USP19: variants seen among roughly 807,000 people sequenced by gnomAD.
USP19 encodes the protein ubiquitin carboxyl-terminal hydrolase 19.
In USP19, 40 loss-of-function variants were observed where a neutral mutation model predicts 144.8. The ratio of observed to expected loss-of-function variants is 0.28; its 90% CI spans 0.21 to 0.36. The LOEUF (loss-of-function observed/expected upper bound fraction) is 0.36, where lower values mean the gene tolerates loss of function less well. Ranked by LOEUF, USP19 falls within the 10% of genes least tolerant of loss-of-function variation. The pLI, the probability that USP19 is intolerant of heterozygous loss-of-function variation, is 1.00. For missense variants in USP19, 1,518 were observed against 1,822.5 expected (o/e 0.83, Z 3.04); for synonymous variants, 701 against 709.3 (o/e 0.99, Z 0.19).
rs764510731 is a variant in USP19 at position 49,116,597 on chromosome 3, C to A, written c.1137G>T (p.Ser379=). The change falls in exon 8 of 27, where the codon TCG becomes TCT. Residue 379 remains serine (S), a synonymous_variant. Coordinates refer to ENST00000417901, the MANE Select transcript of USP19 (RefSeq NM_001199161.2). The surrounding 1 kb of genome is among the most constrained non-coding windows in gnomAD (Gnocchi z 5.0). ...DAATLVDEPE[S]MVNLAFVKND... is the part of the protein sequence containing the mutation. ...TCTTGACAAACGCCAGGTTCACCAT[C>A]GACTCGGGCTCTATATTGAGACCAT... 1.2e-6 allele frequency: 2 copies of A among 1,614,162 alleles called. No individual in the cohort carries two copies. Among genetic ancestry groups the A allele is most frequent in the Non-Finnish European group, 1.7e-6 (2 of 1,180,024 alleles).
At position 49,108,853 on chromosome 3, in the gene USP19, T is replaced by A; in HGVS notation, c.4039-325A>T. On this transcript the variant is annotated intron_variant, in intron 26 of 26. Transcript: ENST00000417901. This position sits in a 1 kb window ranked among gnomAD's most constrained non-coding sequence, Gnocchi z 4.8. ...AACCTCCCCACCCTCTCCCACCAGATGCATAAGCTGAGGCCCAAAGCCCAG... is the reference window on the plus strand; with the variant it reads ...AACCTCCCCACCCTCTCCCACCAGAAGCATAAGCTGAGGCCCAAAGCCCAG... The A allele has an allele frequency of 1.4e-6, 2 of 1,465,002 alleles. No individual in the cohort carries two copies. Among genetic ancestry groups the A allele is most frequent in the Non-Finnish European group, 1.8e-6 (2 of 1,106,760 alleles). The allele number at this position is 1,465,002 out of a possible 1,614,324, so 90.8% of individuals were successfully genotyped here.
rs766320095 is a variant in USP19 at position 49,111,133 on chromosome 3, C to A, written c.3362G>T (p.Ser1121Ile). ...DTPLELGDDC[S>I]LALVWRNNER... is the part of the protein sequence containing the mutation. The stretch of plus-strand genomic sequence containing the variant: ...ATTGTTCCGCCAGACGAGAGCCAGG[C>A]TACAGTCGTCACCCAGCTCCAGTGG... Residue 1121 changes from serine to isoleucine, a missense_variant, in exon 23 of 27, where the codon AGC becomes ATC. Around this residue, in one of 5 missense-constraint regions of USP19, gnomAD observed 413 missense variants for 515.8 expected, o/e 0.80. Transcript: ENST00000417901. This position sits in a 1 kb window ranked among gnomAD's most constrained non-coding sequence, Gnocchi z 5.9. 1 of 1,613,836 alleles carries A rather than the reference C, an allele frequency of 6.2e-7. No homozygotes were observed. Among genetic ancestry groups the A allele is most frequent in the Admixed American group, 1.7e-5 (1 of 60,026 alleles).
In USP19 at chr3:49,115,800, T is replaced by C. The variant is rs202226664; in HGVS notation, c.1616A>G (p.Asp539Gly). Residue 539 changes from aspartate to glycine, a missense_variant, in exon 11 of 27, where the codon GAC becomes GGC. By Grantham distance (94) the Asp-to-Gly change is moderately conservative. This residue lies in a region of USP19 where 707 missense variants were observed against 728.9 expected (regional missense o/e 0.97). Coordinates refer to ENST00000417901, the MANE Select transcript of USP19 (RefSeq NM_001199161.2). The surrounding 1 kb of genome is among the most constrained non-coding windows in gnomAD (Gnocchi z 6.6). Reference protein sequence around the residue: ...EKDKSKARSEDTGLDSVATRT... With the variant: ...EKDKSKARSEGTGLDSVATRT... ...GGTTGCCACACTGTCTAGCCCTGTG[T>C]CCTCAGATCGTGCCTTGGATTTATC... 6.7e-5 allele frequency: 108 copies of C among 1,614,114 alleles called. No individual in the cohort carries two copies. The highest frequency in any genetic ancestry group is 3.3e-4 in the East Asian group (15 of 44,888).
In USP19 at chr3:49,116,307, G is replaced by C. The variant is rs773624811; in HGVS notation, c.1328C>G (p.Thr443Ser). Residue 443 changes from threonine to serine, a missense_variant, in exon 9 of 27, where the codon ACC (threonine) becomes AGC (serine). Physicochemically the swap from Thr to Ser is moderately conservative, Grantham distance 58. This residue lies in a region of USP19 where 707 missense variants were observed against 728.9 expected (regional missense o/e 0.97). Coordinates refer to ENST00000417901, the MANE Select transcript of USP19 (RefSeq NM_001199161.2). This position sits in a 1 kb window ranked among gnomAD's most constrained non-coding sequence, Gnocchi z 5.0. Reference protein sequence around the residue: ...LRLHPGCGPHTTFRWQVKLRN... With the variant: ...LRLHPGCGPHSTFRWQVKLRN... ...GAGCTTCACCTGCCAACGGAAGGTG[G>C]TGTGGGGCCCACAGCCCGGGTGCAG... 1 of 1,613,368 alleles carries C rather than the reference G, an allele frequency of 6.2e-7. No individual in the cohort carries two copies. The highest frequency in any genetic ancestry group is 8.5e-7 in the Non-Finnish European group (1 of 1,179,836).
At position 49,117,858 on chromosome 3, in the gene USP19, C is replaced by T. The variant is rs1354128154; in HGVS notation, c.299-28G>A. On this transcript the variant is annotated intron_variant, in intron 3 of 26. Coordinates refer to ENST00000417901, the MANE Select transcript of USP19 (RefSeq NM_001199161.2). The surrounding 1 kb of genome is among the most constrained non-coding windows in gnomAD (Gnocchi z 4.4). ...GATGGTGATAAGCAGGTAACAGAGACCCAGCCTAATGAAACTGCTTCAGAT... is the reference window on the plus strand; with the variant it reads ...GATGGTGATAAGCAGGTAACAGAGATCCAGCCTAATGAAACTGCTTCAGAT... 1 of 1,613,688 alleles carries T rather than the reference C, an allele frequency of 6.2e-7. No individual in the cohort carries two copies. Among genetic ancestry groups the T allele is most frequent in the African/African-American group, 1.3e-5 (1 of 74,886 alleles).
Position 49,119,192 on chromosome 3 carries a change from G to C in USP19, c.-47C>G. The C allele has an allele frequency of 1.3e-6, 2 of 1,593,092 alleles. No individual in the cohort carries two copies. The highest frequency in any genetic ancestry group is 1.7e-6 in the Non-Finnish European group (2 of 1,171,470). ...CCAGAGTGCCCCGGGGTCGGCAACA[G>C]CGTCTGGGTCAGGGCTGCGGCGCTT... On this transcript the variant is annotated 5_prime_UTR_variant, in exon 2 of 27. Coordinates refer to ENST00000417901, the MANE Select transcript of USP19 (RefSeq NM_001199161.2).
In USP19 at chr3:49,116,937, C is replaced by G; in HGVS notation, c.916G>C (p.Ala306Pro). 1 of 1,613,442 alleles carries G rather than the reference C, an allele frequency of 6.2e-7. No homozygotes were observed. The highest frequency in any genetic ancestry group is 8.5e-7 in the Non-Finnish European group (1 of 1,179,776). ...GGTGGTATGCAAAGCTGTTCATCAG[C>G]CTCAACCTATTAATGGCAAGATTGT... ...FVADPATQVE[A>P]DEQLCIPPLN... is the part of the protein sequence containing the mutation. The change falls in exon 7 of 27, where the codon GCT (alanine) becomes CCT (proline). Residue 306 changes from alanine (A) to proline (P), a missense_variant. Around this residue, in one of 5 missense-constraint regions of USP19, gnomAD observed 707 missense variants for 728.9 expected, o/e 0.97. Transcript: ENST00000417901. This position sits in a 1 kb window ranked among gnomAD's most constrained non-coding sequence, Gnocchi z 5.0.
In USP19 at chr3:49,117,888, G is replaced by C; in HGVS notation, c.299-58C>G. On this transcript the variant is annotated intron_variant, in intron 3 of 26. Coordinates refer to ENST00000417901, the MANE Select transcript of USP19 (RefSeq NM_001199161.2). This position sits in a 1 kb window ranked among gnomAD's most constrained non-coding sequence, Gnocchi z 4.4. ...CCTAATGAAACTGCTTCAGATGGGA[G>C]CCAAATTGCAAGTGCCCCCTCCCCT... 1 of 1,613,138 alleles carries C rather than the reference G, an allele frequency of 6.2e-7. No homozygotes were observed. The highest frequency in any genetic ancestry group is 8.5e-7 in the Non-Finnish European group (1 of 1,179,718).
Position 49,111,266 on chromosome 3 carries a change from A to G in USP19, c.3317T>C (p.Leu1106Pro). ...ACAGCCTCAGACACCTTTGTCCTCT[A>G]GCCGCTGCTCTCGGTTGGATGAATC... ...KIDSSNREQR[L>P]EDKGDTPLEL... The change falls in exon 22 of 27, where the codon CTA becomes CCA. Residue 1106 changes from leucine to proline, a missense_variant. Leu to Pro is a moderately conservative substitution (Grantham distance 98). Transcript: ENST00000417901. This position sits in a 1 kb window ranked among gnomAD's most constrained non-coding sequence, Gnocchi z 5.9. The G allele has an allele frequency of 6.2e-7, 1 of 1,614,030 alleles. No homozygotes were observed. Among genetic ancestry groups the G allele is most frequent in the Non-Finnish European group, 8.5e-7 (1 of 1,179,990 alleles).
rs547990256 is a variant in USP19, at chr3:49,117,241, G to C, written c.727C>G (p.Arg243Gly). Residue 243 changes from arginine to glycine, a missense_variant, in exon 6 of 27, where the codon CGG becomes GGG. Arg to Gly is a moderately radical substitution (Grantham distance 125). Transcript: ENST00000417901. This position sits in a 1 kb window ranked among gnomAD's most constrained non-coding sequence, Gnocchi z 4.4. ...PEPHRAKQEA[R>G]NQKRAQGRGE... ...CGGCCCTGGGCCCGCTTCTGGTTCCGGGCCTCCTGCTTAGCCCGGTGGGGC... is the reference window on the plus strand; with the variant it reads ...CGGCCCTGGGCCCGCTTCTGGTTCCCGGCCTCCTGCTTAGCCCGGTGGGGC... 3.9e-6 allele frequency: 6 copies of C among 1,554,504 alleles called. No homozygotes were observed. The highest frequency in any genetic ancestry group is 5.2e-6 in the Non-Finnish European group (6 of 1,150,424).
chr3:49,108,377 C>A lies in USP19; in HGVS notation c.*35G>T. On this transcript the variant is annotated 3_prime_UTR_variant, in exon 27 of 27. Coordinates refer to ENST00000417901, the MANE Select transcript of USP19 (RefSeq NM_001199161.2). This position sits in a 1 kb window ranked among gnomAD's most constrained non-coding sequence, Gnocchi z 4.8. ...AGGAGCTGGCCCTCTGTGTGGGTGT[C>A]CCAAACCCAGTCCCCCCCATCAGCC... 1 of 915,610 alleles carries A rather than the reference C, an allele frequency of 1.1e-6. No homozygotes were observed. The highest frequency in any genetic ancestry group is 1.6e-6 in the Non-Finnish European group (1 of 633,676). 56.7% of individuals were successfully genotyped at this position (915,610 alleles called of 1,614,324 possible). A position where few individuals can be genotyped will look rare whatever the true frequency, so the allele number is the denominator to read the frequency against.
intron 17 of USP19, among the ~76,000 whole-genome samples, chr3:49,113,305 CTCACTCT>C (rs1225500243): frequency 6.6e-6 from 1 of 152,150 alleles, no homozygotes; most frequent in African/African-American, 2.4e-5. Context: ...GAGACAGAGT[CTCACTCT>C]GTCACCCAGG....
In USP19 at chr3:49,117,640, A is replaced by G; in HGVS notation, c.472+17T>C. On this transcript the variant is annotated intron_variant, in intron 4 of 26. Transcript: ENST00000417901. The surrounding 1 kb of genome is among the most constrained non-coding windows in gnomAD (Gnocchi z 4.4). ...AAGATTCAAACATACTACTGTGCTC[A>G]GGGCAGATGGACACACCTGCAAACC... 1.2e-6 allele frequency: 2 copies of G among 1,614,152 alleles called. No homozygotes were observed. The highest frequency in any genetic ancestry group is 1.1e-5 in the South Asian group (1 of 91,078).
chr3:49,114,982 CCA>C lies in USP19; in HGVS notation c.2156_2157del (p.Val719GlyfsTer8). The C allele has an allele frequency of 6.2e-7, 1 of 1,614,194 alleles. No individual in the cohort carries two copies. Among genetic ancestry groups the C allele is most frequent in the Non-Finnish European group, 8.5e-7 (1 of 1,180,040 alleles). The part of the protein sequence containing the change: ...RIQNKPYTET[V>X]DSDGRPDEVV... ...ACCTCATCGGGCCGCCCATCTGAAT[CCA>C]CGGTCTCTGTGTAGGGCTTGTTCTG... is the stretch of plus-strand genomic sequence containing the variant. On this transcript the variant is annotated frameshift_variant, in exon 14 of 27. Transcript: ENST00000417901. LOFTEE classifies it high-confidence loss of function. The surrounding 1 kb of genome is among the most constrained non-coding windows in gnomAD (Gnocchi z 4.5).
In USP19 at chr3:49,114,870, C is replaced by T. The variant is rs750219630; in HGVS notation, c.2185G>A (p.Val729Ile). The change falls in exon 15 of 27, where the codon GTA becomes ATA. Residue 729 changes from valine (V) to isoleucine (I), a missense_variant. Val to Ile is a conservative substitution (Grantham distance 29). This residue lies in a region of USP19 where 158 missense variants were observed against 277.3 expected (regional missense o/e 0.57). Transcript: ENST00000417901. The surrounding 1 kb of genome is among the most constrained non-coding windows in gnomAD (Gnocchi z 4.5). ...VDSDGRPDEV[V>I]AEEAWQRHKM... ...TGCCGCTGCCATGCTTCCTCAGCTA[C>T]CACCTGAGAGGCAGAGTGGTGAGAA... is the stretch of plus-strand genomic sequence containing the variant. The T allele has an allele frequency of 1.9e-6, 3 of 1,614,058 alleles. No individual in the cohort carries two copies. In the African/African-American group the frequency reaches 4.0e-5, roughly 22 times the overall value.
In USP19 at chr3:49,111,681, C is replaced by T; in HGVS notation, c.3036G>A (p.Gln1012=). The T allele has an allele frequency of 6.2e-7, 1 of 1,601,206 alleles. No homozygotes were observed. The highest frequency in any genetic ancestry group is 8.5e-7 in the Non-Finnish European group (1 of 1,172,804). Reference sequence around the variant, plus strand: ...GGGTCACCAGCTGGAGCTCAGGTGGCTGAATGGGGTCTCTCTCGCTGTCCC... The same window carrying T: ...GGGTCACCAGCTGGAGCTCAGGTGGTTGAATGGGGTCTCTCTCGCTGTCCC... The part of the protein sequence containing the change: ...EAGDSERDPI[Q]PPELQLVTPM... The change falls in exon 21 of 27, where the codon CAG becomes CAA. Residue 1012 remains glutamine, a synonymous_variant. Transcript: ENST00000417901. This position sits in a 1 kb window ranked among gnomAD's most constrained non-coding sequence, Gnocchi z 5.9.
intron 2 of USP19, among the ~76,000 whole-genome samples, chr3:49,118,689 G>A (rs1438406811): frequency 6.6e-6 from 1 of 151,840 alleles, no homozygotes. Context: ...GGACGTTGCA[G>A]TGAGCCAATA....
Position 49,111,911 on chromosome 3 carries a change from C to T in USP19, c.2903G>A (p.Arg968Gln), listed in dbSNP as rs1560000615. The change falls in exon 20 of 27, where the codon CGG becomes CAG. Residue 968 changes from arginine to glutamine, a missense_variant and splice_region_variant. Arg to Gln is a conservative substitution (Grantham distance 43). This residue lies in a region of USP19 where 413 missense variants were observed against 515.8 expected (regional missense o/e 0.80). Transcript: ENST00000417901. This position sits in a 1 kb window ranked among gnomAD's most constrained non-coding sequence, Gnocchi z 5.9. ...TCTAGTCCAACCACTGGGCACTTACCGGGCATAGCCCTCTAGCAACTGAGC... is the reference window on the plus strand; with the variant it reads ...TCTAGTCCAACCACTGGGCACTTACTGGGCATAGCCCTCTAGCAACTGAGC... ...RLAQLLEGYARYSVSVFQPPF... is the reference protein window; with the variant it reads ...RLAQLLEGYAQYSVSVFQPPF... 4.3e-6 allele frequency: 7 copies of T among 1,613,762 alleles called. No homozygotes were observed. Among genetic ancestry groups the T allele is most frequent in the East Asian group, 2.2e-5 (1 of 44,900 alleles).
rs1179172164 is a variant in USP19, at chr3:49,117,494, A to G, written c.549T>C (p.Ser183=). 1.2e-6 allele frequency: 2 copies of G among 1,614,098 alleles called. No homozygotes were observed. The highest frequency in any genetic ancestry group is 1.7e-6 in the Non-Finnish European group (2 of 1,180,032). Residue 183 remains serine (S), a synonymous_variant, in exon 5 of 27, where the codon AGT becomes AGC. Coordinates refer to ENST00000417901, the MANE Select transcript of USP19 (RefSeq NM_001199161.2). The surrounding 1 kb of genome is among the most constrained non-coding windows in gnomAD (Gnocchi z 4.4). ...SCAKVQTRKG[S]LLHLTLPKKV... ...TTTTGGGCAGTGTCAGGTGCAGGAG[A>G]CTGCCCTTGCGGGTTTGCACTTTAG...
Sources: gnomAD v4.1 joint callset for allele counts (sites outside exome capture counted in the v4.1 genomes callset) on GRCh38, gnomAD v4.1.1 for gene constraint, gnomAD v4.1.1 regional missense constraint, Gnocchi (gnomAD v3.1) non-coding constraint, MANE v1.5 for transcripts, NCBI Gene and HGNC (gene_info 2026-07-23, HGNC 2026-07-21) for gene names.